The following ZNF385D variants were observed in gnomAD, a reference collection of about 807,000 sequenced individuals.
ZNF385D encodes the protein zinc finger protein 385D, also known as zinc finger protein 659.
Under a neutral mutation model 35.8 loss-of-function variants are expected in ZNF385D, and 15 were observed. That is an observed-to-expected ratio of 0.42 (90% CI 0.28 to 0.64). The LOEUF is 0.64. ZNF385D is among the 30% of genes least tolerant of loss of function. The pLI is 0.23. For synonymous variants in ZNF385D, 212 were observed against 186.8 expected (o/e 1.13, Z -1.10); for missense variants, 474 against 494.6 (o/e 0.96, Z 0.39).
chr3:22,280,311 C>G (rs2638146), intron 2 of ZNF385D, among the ~76,000 whole-genome samples: 1 of 150,932 alleles, frequency 6.6e-6, no homozygotes, highest in Non-Finnish European at 1.5e-5. Context: ...GTTTTGTTGC[C>G]TTTGCTTTTG....
At chr3:22,283,114 C>T (rs550543784) in intron 2 of ZNF385D, among the ~76,000 whole-genome samples, 2 of 152,130 alleles carry the variant, frequency 1.3e-5, no homozygotes, top group African/African-American at 4.8e-5. Context: ...TGATAAAGGA[C>T]TAGTCCAATA....
chr3:21,960,401 A>C (rs1170349470), intron 3 of ZNF385D, among the ~76,000 whole-genome samples: 1 of 152,176 alleles, frequency 6.6e-6, no homozygotes, highest in Non-Finnish European at 1.5e-5. Context: ...ACCTCACCCC[A>C]GTTAGAATGG....
At chr3:21,421,478 A>AG in intron 7 of ZNF385D, 31 bp from the exon 8 acceptor site, 1 of 1,562,024 alleles carries the variant, frequency 6.4e-7, no homozygotes, top group Non-Finnish European at 8.7e-7. Context: ...TGTAAAAAAA[A>AG]CAACAGTTTT....
At position 22,241,426 on chromosome 3, in the gene ZNF385D, C is replaced by T. The variant is rs188415356; in HGVS notation, c.107-72391G>A. On this transcript the variant is annotated intron_variant, in intron 2 of 5. Coordinates refer to the ZNF385D transcript ENST00000494108. Reference sequence around the variant, plus strand: ...TCTCAGTCTCTCTGTTCACCTTTACCTGTATTTGTTTCTCGTCTGAATCAC... The same window carrying T: ...TCTCAGTCTCTCTGTTCACCTTTACTTGTATTTGTTTCTCGTCTGAATCAC... 2.6e-5 allele frequency among the ~76,000 whole-genome samples: 4 copies of T among 151,278 alleles called. No individual in the cohort carries two copies. In the East Asian group the frequency reaches 7.8e-4, roughly 30 times the overall value.
intron 2 of ZNF385D, among the ~76,000 whole-genome samples, chr3:22,342,276 C>CAAAAAAA (rs766689054): frequency 3.7e-5 from 2 of 53,516 alleles, no homozygotes; most frequent in African/African-American, 5.5e-5. Context: ...GACTCCGCCT[C>CAAAAAAA]AAAAAAAAAA....
chr3:22,225,589 G>T (rs1698507658), intron 2 of ZNF385D, among the ~76,000 whole-genome samples: 1 of 152,068 alleles, frequency 6.6e-6, no homozygotes, highest in African/African-American at 2.4e-5. Flanking sequence ...TTTCTTCAGT[G>T]GCATCAAGCA....
rs550458375 is a variant in ZNF385D, at chr3:22,176,579, T to C, written c.107-7544A>G. ...CATGGCTTTTACAAGTTGATGGAAG[T>C]CTTAACTGAATATTTGCAGACTCAC... On this transcript the variant is annotated intron_variant, in intron 2 of 5. Transcript: ENST00000494108. 1.6e-4 allele frequency among the ~76,000 whole-genome samples: 25 copies of C among 152,294 alleles called. No homozygotes were observed. The South Asian group carries it at 5.2e-3, about 32-fold the overall frequency.
chr3:22,207,635 T>C (rs1697242376), intron 2 of ZNF385D, among the ~76,000 whole-genome samples: 2 of 151,460 alleles, frequency 1.3e-5, no homozygotes, highest in Non-Finnish European at 1.5e-5. Flanking sequence ...AATGAAACAA[T>C]CAACAAAGTG....
chr3:21,900,740 C>T (rs774555158), intron 3 of ZNF385D, among the ~76,000 whole-genome samples: 2 of 152,100 alleles, frequency 1.3e-5, no homozygotes, highest in African/African-American at 2.4e-5. Flanking sequence ...TACATACACA[C>T]GTTAAAAGAA....
intron 2 of ZNF385D, among the ~76,000 whole-genome samples, chr3:22,299,803 A>C (rs1702798122): frequency 1.3e-5 from 2 of 151,978 alleles, no homozygotes; most frequent in Non-Finnish European, 1.5e-5. Context: ...ATATTGATAA[A>C]AGACATTAAA....
At chr3:21,488,954 T>A (rs1215578115) in intron 4 of ZNF385D, among the ~76,000 whole-genome samples, 1 of 152,064 alleles carries the variant, frequency 6.6e-6, no homozygotes, top group Non-Finnish European at 1.5e-5. Context: ...GCCGCTAGAG[T>A]CAGTCTAAAG....
chr3:21,985,215 T>C (rs1207317787), intron 3 of ZNF385D, among the ~76,000 whole-genome samples: 1 of 83,684 alleles, frequency 1.2e-5, no homozygotes, highest in African/African-American at 5.0e-5. Context: ...TGAATAGGAG[T>C]GGTGAGAGAG....
intron 2 of ZNF385D, among the ~76,000 whole-genome samples, chr3:21,590,964 G>C (rs2063957919): frequency 6.6e-6 from 1 of 151,998 alleles, no homozygotes; most frequent in African/African-American, 2.4e-5. Flanking sequence ...GAAGGCCAAG[G>C]CAGGAGGATC....
intron 2 of ZNF385D, among the ~76,000 whole-genome samples, chr3:22,197,395 G>C (rs1696490037): frequency 6.6e-6 from 1 of 151,842 alleles, no homozygotes; most frequent in Non-Finnish European, 1.5e-5. Context: ...CCCATGATTT[G>C]TTCCAGATAT....
chr3:21,813,575 T>C (rs1012414164), intron 3 of ZNF385D, among the ~76,000 whole-genome samples: 2 of 152,088 alleles, frequency 1.3e-5, no homozygotes, highest in Non-Finnish European at 2.9e-5. Context: ...CAGTAGCTGA[T>C]TTGATCAAGT....
intron 3 of ZNF385D, among the ~76,000 whole-genome samples, chr3:21,853,945 T>C (rs979565637): frequency 2.4e-4 from 36 of 151,896 alleles, no homozygotes; most frequent in African/African-American, 7.7e-4. Context: ...GATTGGACTA[T>C]TGACGGAAAA....
intron 3 of ZNF385D, among the ~76,000 whole-genome samples, chr3:21,911,821 G>A (rs1454690348): frequency 6.6e-6 from 1 of 151,916 alleles, no homozygotes; most frequent in Non-Finnish European, 1.5e-5. Context: ...AAGATTTTTA[G>A]ACAAGTGGTG....
chr3:21,988,845 A>G lies in ZNF385D; in HGVS notation c.325+179972T>C, dbSNP rs552109079. ...GACTCCGTGGGCGTAGGACCCTCCG[A>G]GCCAGGTGTGGGATATACTCTCGTG... On this transcript the variant is annotated intron_variant, in intron 3 of 5. Transcript: ENST00000494108. Among the ~76,000 whole-genome samples, 709 of 152,236 alleles carry G rather than the reference A, an allele frequency of 4.7e-3. 4 individuals carry two copies. The highest frequency in any genetic ancestry group is 0.016 in the African/African-American group (682 of 41,536).
At chr3:22,031,537 C>T (rs568702307) in intron 3 of ZNF385D, among the ~76,000 whole-genome samples, 15 of 152,252 alleles carry the variant, frequency 9.9e-5, no homozygotes, top group South Asian at 4.1e-4. Context: ...GGAGTTGGAG[C>T]GGCTGAGATG....
Sources: gnomAD v4.1 joint callset for allele counts (sites outside exome capture counted in the v4.1 genomes callset) on GRCh38, gnomAD v4.1.1 for gene constraint, MANE v1.5 for transcripts, NCBI Gene and HGNC (gene_info 2026-07-23, HGNC 2026-07-21) for gene names.